Variants in HK1 observed in about 807,000 individuals in gnomAD.
HK1 encodes the protein hexokinase 1, also known as hexokinase-1.
Under a neutral mutation model 91.6 loss-of-function variants are expected in HK1, and 28 were observed. The ratio of observed to expected loss-of-function variants is 0.31; its 90% CI spans 0.23 to 0.42. The LOEUF (loss-of-function observed/expected upper bound fraction) is 0.42, where lower values mean the gene tolerates loss of function less well. HK1 is among the 10% of genes least tolerant of loss of function. HK1 has a pLI of 1.00. For synonymous variants in HK1, 430 were observed against 468.1 expected (o/e 0.92, Z 1.05); for missense variants, 770 against 1,219.8 (o/e 0.63, Z 5.49).
upstream of HK1, chr10:69,315,843 T>A (rs1737627982): frequency 9.7e-7 from 1 of 1,033,886 alleles, no homozygotes; most frequent in African/African-American, 1.6e-5. Flanking sequence ...GCATCAGGAC[T>A]AGGCTGGAGT....
chr10:69,335,454 G>A (rs778810448), intron 1 of HK1, among the ~76,000 whole-genome samples: 17 of 152,216 alleles, frequency 1.1e-4, no homozygotes, highest in Admixed American at 2.0e-4. Flanking sequence ...GGCTGGAGCT[G>A]TGGCGGTGAT....
chr10:69,299,101 G>A (rs1345570105), intron 4 of HK1, among the ~76,000 whole-genome samples: 2 of 148,690 alleles, frequency 1.3e-5, no homozygotes, highest in East Asian at 2.0e-4. Flanking sequence ...CACCATGCCC[G>A]ACCTATGTTT....
chr10:69,276,941 T>C (rs1300709405), intron 1 of HK1, among the ~76,000 whole-genome samples: 1 of 151,986 alleles, frequency 6.6e-6, no homozygotes, highest in Non-Finnish European at 1.5e-5. Context: ...TAGTCTCTCT[T>C]ACCCCTATAG....
chr10:69,356,928 A>G (rs1849167718), intron 2 of HK1, among the ~76,000 whole-genome samples: 4 of 151,960 alleles, frequency 2.6e-5, no homozygotes, highest in Admixed American at 2.6e-4. Context: ...CAAGTGTTTA[A>G]AATGAGCAAA....
At chr10:69,343,761 TG>T in intron 1 of HK1, 65 bp from the exon 2 acceptor site, 1 of 1,254,750 alleles carries the variant, frequency 8.0e-7, no homozygotes, top group Non-Finnish European at 1.2e-6. Context: ...TCTCAGCGGG[TG>T]GGTGCCTCAC....
rs757878306 is a variant in HK1, at chr10:69,343,998, G to T, written c.226+9G>T. On this transcript the variant is annotated intron_variant, in intron 2 of 17. Coordinates refer to ENST00000359426, the MANE Select transcript of HK1 (RefSeq NM_000188.3). ...CATTCCTGATGGCTCTGGTAAGTCT[G>T]TCACCCAGAGATTGAACCCTGAGGG... 24 of 1,613,520 alleles carry T rather than the reference G, an allele frequency of 1.5e-5. No homozygotes were observed. Among genetic ancestry groups the T allele is most frequent in the Admixed American group, 3.3e-5 (2 of 59,994 alleles).
chr10:69,308,822 T>A (rs554224612), intron 5 of HK1, among the ~76,000 whole-genome samples: 2 of 152,304 alleles, frequency 1.3e-5, no homozygotes, highest in East Asian at 3.9e-4. Flanking sequence ...GGATGAGCAG[T>A]TCACAATAGG....
At chr10:69,352,516 A>C (rs567385416) in intron 2 of HK1, among the ~76,000 whole-genome samples, 15 of 152,328 alleles carry the variant, frequency 9.8e-5, no homozygotes, top group African/African-American at 3.4e-4. Context: ...ATATATACAT[A>C]TAATGGAATA....
chr10:69,396,072 G>C (rs1840120497), intron 16 of HK1, among the ~76,000 whole-genome samples: 1 of 152,050 alleles, frequency 6.6e-6, no homozygotes, highest in Non-Finnish European at 1.5e-5. Context: ...AGGTGTTCGA[G>C]ACCAGCCTGG....
chr10:69,343,114 T>A (rs1226083494), intron 1 of HK1, among the ~76,000 whole-genome samples: 1 of 152,190 alleles, frequency 6.6e-6, no homozygotes, highest in Non-Finnish European at 1.5e-5. Context: ...TCTCCATTCA[T>A]TGAGGCTGGG....
intron 4 of HK1, among the ~76,000 whole-genome samples, 198 bp from the exon 5 acceptor site, chr10:69,368,338 C>A (rs539534493): frequency 6.6e-6 from 1 of 152,340 alleles, no homozygotes; most frequent in East Asian, 1.9e-4. Flanking sequence ...CCTATCTTTG[C>A]CCCCAGAGAA....
chr10:69,345,419 T>C (rs944245819), intron 2 of HK1, among the ~76,000 whole-genome samples: 1 of 152,140 alleles, frequency 6.6e-6, no homozygotes, highest in Non-Finnish European at 1.5e-5. Context: ...TTATATATAG[T>C]TCACTCTTGC....
At chr10:69,283,359 T>G (rs2132435845) in intron 2 of HK1, among the ~76,000 whole-genome samples, 1 of 139,860 alleles carries the variant, frequency 7.2e-6, no homozygotes, top group Non-Finnish European at 1.5e-5. Context: ...GAGGCTGAGG[T>G]GGAAGGATCA....
rs777452969 is a variant in HK1 at position 69,401,084 on chromosome 10, C to T, written c.2703C>T (p.Ala901=). ...LLSEDGSGKG[A]ALITAVGVRL... Reference sequence around the variant, plus strand: ...CTGAGGATGGCAGCGGCAAGGGGGCCGCCCTCATCACGGCCGTGGGCGTGC... The same window carrying T: ...CTGAGGATGGCAGCGGCAAGGGGGCTGCCCTCATCACGGCCGTGGGCGTGC... Residue 901 remains alanine (A), a synonymous_variant, in exon 18 of 18, where the codon GCC becomes GCT. Transcript: ENST00000359426. 5.1e-5 allele frequency: 83 copies of T among 1,614,154 alleles called. No homozygotes were observed. Among genetic ancestry groups the T allele is most frequent in the Admixed American group, 3.0e-4 (18 of 60,034 alleles).
intron 1 of HK1, chr10:69,338,813 G>C: frequency 1.3e-6 from 1 of 753,852 alleles, no homozygotes; most frequent in Non-Finnish European, 1.8e-6. Context: ...GAGGGGAAAA[G>C]GAAGGAGGAG....
chr10:69,401,314 GATA>G lies in HK1; in HGVS notation c.*183_*185del, dbSNP rs1391967016. ...GGTACAGAATAGAGCGTGTGCTGTTGATAATATCTCTCACCCGGATCCCTCCTC... is the reference window on the plus strand; with the variant it reads ...GGTACAGAATAGAGCGTGTGCTGTTGATATCTCTCACCCGGATCCCTCCTC... On this transcript the variant is annotated 3_prime_UTR_variant, in exon 18 of 18. Transcript: ENST00000359426. 2.9e-6 allele frequency: 2 copies of G among 687,898 alleles called. No individual in the cohort carries two copies. Among genetic ancestry groups the G allele is most frequent in the Non-Finnish European group, 4.9e-6 (2 of 405,424 alleles). 42.6% of individuals were successfully genotyped at this position (687,898 alleles called of 1,614,324 possible).
intron 1 of HK1, chr10:69,338,118 C>T: frequency 2.5e-6 from 1 of 405,572 alleles, no homozygotes; most frequent in Non-Finnish European, 3.5e-6. Flanking sequence ...TGCGGGGGTC[C>T]AACTTTGGGA....
intron 5 of HK1, among the ~76,000 whole-genome samples, chr10:69,310,324 G>A (rs146164798): frequency 0.014 from 2,105 of 151,350 alleles, 49 homozygotes; most frequent in African/African-American, 0.048. Flanking sequence ...GGGAGGCTGA[G>A]GCATGAGAAT....
At chr10:69,288,946 T>C (rs1252594975) in intron 3 of HK1, among the ~76,000 whole-genome samples, 1 of 152,114 alleles carries the variant, frequency 6.6e-6, no homozygotes, top group Non-Finnish European at 1.5e-5. Context: ...CCACCACACC[T>C]GGCTAATTTT....
Sources: allele counts gnomAD v4.1 joint callset (sites outside exome capture counted in the v4.1 genomes callset), GRCh38; gene constraint gnomAD v4.1.1; transcripts MANE v1.5; gene names NCBI Gene and HGNC (gene_info 2026-07-23, HGNC 2026-07-21).